ANKIB1: variants seen among roughly 807,000 people sequenced by gnomAD.
ANKIB1 encodes ankyrin repeat and IBR domain containing 1.
A neutral mutation model predicts 122.1 loss-of-function variants in ANKIB1; 43 were observed. The observed-to-expected ratio is 0.35, with a 90% CI of 0.28 to 0.45. The LOEUF is 0.45. ANKIB1 is among the 20% of genes least tolerant of loss of function. The pLI is 1.00. For synonymous variants in ANKIB1, 390 were observed against 442.0 expected (o/e 0.88, Z 1.48); for missense variants, 992 against 1,329.5 (o/e 0.75, Z 3.95).
At chr7:92,330,580 T>C (rs1585110750) in intron 5 of ANKIB1, among the ~76,000 whole-genome samples, 1 of 152,156 alleles carries the variant, frequency 6.6e-6, no homozygotes, top group Non-Finnish European at 1.5e-5. Context: ...CAGTGGCTCA[T>C]GCCTGTAATC....
At chr7:92,278,930 C>T (rs762629386) in intron 1 of ANKIB1, among the ~76,000 whole-genome samples, 4 of 152,184 alleles carry the variant, frequency 2.6e-5, no homozygotes, top group Non-Finnish European at 4.4e-5. Context: ...AACCCAAACA[C>T]AAGGCAAAAG....
At chr7:92,265,275 G>C (rs1428469933) in intron 1 of ANKIB1, among the ~76,000 whole-genome samples, 1 of 152,064 alleles carries the variant, frequency 6.6e-6, no homozygotes, top group East Asian at 1.9e-4. Flanking sequence ...CCCTAGTGAA[G>C]GACATGATAT....
chr7:92,368,660 G>A (rs527547503), intron 10 of ANKIB1, among the ~76,000 whole-genome samples: 1 of 151,956 alleles, frequency 6.6e-6, no homozygotes. Context: ...GGCAGAGTTT[G>A]CAGTGAGCTG....
Position 92,246,198 on chromosome 7 carries a change from C to T in ANKIB1, c.-412C>T. The T allele has an allele frequency of 2.7e-6, 1 of 364,592 alleles. No homozygotes were observed. The allele number at this position is 364,592 out of a possible 1,614,324, so 22.6% of individuals were successfully genotyped here. A position where few individuals can be genotyped will look rare whatever the true frequency, so the allele number is the denominator to read the frequency against. On this transcript the variant is annotated 5_prime_UTR_variant, in exon 1 of 20. Coordinates refer to ENST00000265742, the MANE Select transcript of ANKIB1 (RefSeq NM_019004.2). ...CTTGACCGCGAGGCGGAGGCAAGAG[C>T]CACCGCCCCCTCTTCCCCTCCCCCG...
intron 10 of ANKIB1, among the ~76,000 whole-genome samples, chr7:92,370,041 G>A (rs1336448396): frequency 6.6e-6 from 1 of 152,216 alleles, no homozygotes; most frequent in Non-Finnish European, 1.5e-5. Flanking sequence ...GATGGAGGGT[G>A]AGAGGAGCTT....
In ANKIB1 at chr7:92,246,565, C is replaced by T. The variant is rs187256482; in HGVS notation, c.-91+46C>T. ...ACAGATGTGTTTGAGGCTGCCTCTA[C>T]CCATTTGTGGCTCCGAGTTCAGAGC... is the stretch of plus-strand genomic sequence containing the variant. On this transcript the variant is annotated intron_variant, in intron 1 of 19. Coordinates refer to ENST00000265742, the MANE Select transcript of ANKIB1 (RefSeq NM_019004.2). The T allele has an allele frequency of 2.5e-3, 1,271 of 511,342 alleles. 8 individuals are homozygous for T. The highest frequency in any genetic ancestry group is 3.0e-3 in the Non-Finnish European group (774 of 256,614). The allele number at this position is 511,342 out of a possible 1,614,324, so 31.7% of individuals were successfully genotyped here.
intron 2 of ANKIB1, among the ~76,000 whole-genome samples, chr7:92,296,666 A>G (rs1243862439): frequency 1.3e-5 from 2 of 152,142 alleles, no homozygotes; most frequent in African/African-American, 4.8e-5. Context: ...ACAATTTTGT[A>G]TAGCTTCTCT....
chr7:92,251,968 T>A (rs1164623273), intron 1 of ANKIB1, among the ~76,000 whole-genome samples: 1 of 152,188 alleles, frequency 6.6e-6, no homozygotes, highest in Non-Finnish European at 1.5e-5. Context: ...TTTCATGTCC[T>A]TGATAGTTTT....
intron 1 of ANKIB1, among the ~76,000 whole-genome samples, chr7:92,281,352 A>G (rs745435158): frequency 6.6e-6 from 1 of 152,190 alleles, no homozygotes; most frequent in Non-Finnish European, 1.5e-5. Context: ...CAATTTGGGC[A>G]CTTTGAAGGA....
intron 1 of ANKIB1, among the ~76,000 whole-genome samples, chr7:92,284,927 A>G (rs897306251): frequency 3.3e-5 from 5 of 152,220 alleles, no homozygotes; most frequent in African/African-American, 1.2e-4. Context: ...ATTTTATTCA[A>G]TGACATTTTA....
intron 8 of ANKIB1, among the ~76,000 whole-genome samples, chr7:92,351,720 G>GTTTT (rs1018424517): frequency 7.7e-5 from 9 of 116,638 alleles, no homozygotes; most frequent in Admixed American, 2.7e-4. Context: ...TTTTTTTTTT[G>GTTTT]TTTTTTTTTT....
At chr7:92,301,487 G>A (rs189034025) in intron 2 of ANKIB1, among the ~76,000 whole-genome samples, 3 of 151,876 alleles carry the variant, frequency 2.0e-5, no homozygotes, top group African/African-American at 7.2e-5. Flanking sequence ...TGTATATCTT[G>A]TTTGGAAAAA....
chr7:92,301,173 C>T (rs748055401), intron 2 of ANKIB1, among the ~76,000 whole-genome samples: 1 of 152,032 alleles, frequency 6.6e-6, no homozygotes, highest in African/African-American at 2.4e-5. Context: ...GATATCTCTT[C>T]GGAGTTTGTG....
chr7:92,383,688 C>G (rs973748347), intron 11 of ANKIB1, among the ~76,000 whole-genome samples: 2 of 152,216 alleles, frequency 1.3e-5, no homozygotes, highest in African/African-American at 4.8e-5. Context: ...CAAAATTCAA[C>G]AGCCCTTTGT....
At chr7:92,281,392 C>G (rs774801988) in intron 1 of ANKIB1, among the ~76,000 whole-genome samples, 1 of 152,110 alleles carries the variant, frequency 6.6e-6, no homozygotes, top group African/African-American at 2.4e-5. Context: ...TGGGAACCCT[C>G]CTGAAATCCA....
At chr7:92,386,159 T>C (rs1804642148) in intron 11 of ANKIB1, among the ~76,000 whole-genome samples, 1 of 152,210 alleles carries the variant, frequency 6.6e-6, no homozygotes, top group African/African-American at 2.4e-5. Flanking sequence ...GTTTTTCAGA[T>C]AGACTGGTGG....
chr7:92,347,485 G>A (rs536722368), intron 7 of ANKIB1, among the ~76,000 whole-genome samples: 1 of 152,094 alleles, frequency 6.6e-6, no homozygotes, highest in Non-Finnish European at 1.5e-5. Context: ...CATGTCTGTA[G>A]TCCTAGCTAC....
chr7:92,327,119 G>C (rs761801349), intron 4 of ANKIB1, among the ~76,000 whole-genome samples: 5 of 152,138 alleles, frequency 3.3e-5, no homozygotes, highest in Non-Finnish European at 7.4e-5. Context: ...TGGAATTATA[G>C]GTTTTTATTT....
At chr7:92,397,047 C>T (rs1372352563) in intron 18 of ANKIB1, among the ~76,000 whole-genome samples, 10 of 152,110 alleles carry the variant, frequency 6.6e-5, no homozygotes. Flanking sequence ...TAAAGATTTG[C>T]TCTTCAGACT....
Sources: gnomAD v4.1 joint callset for allele counts (sites outside exome capture counted in the v4.1 genomes callset) on GRCh38, gnomAD v4.1.1 for gene constraint, MANE v1.5 for transcripts, NCBI Gene and HGNC (gene_info 2026-07-23, HGNC 2026-07-21) for gene names.